Variants in KLHL1 observed in about 807,000 individuals in gnomAD.
KLHL1 encodes the protein kelch-like protein 1.
In KLHL1, 47 loss-of-function variants were observed where a neutral mutation model predicts 77.7. The observed-to-expected ratio is 0.60, with a 90% confidence interval of 0.48 to 0.77. KLHL1 has a LOEUF of 0.77. Ranked by LOEUF, KLHL1 falls within the 30% of genes least tolerant of loss-of-function variation. The probability of loss-of-function intolerance (pLI) is 0.00; values close to 1 mark genes in which losing one functional copy is unlikely to be tolerated. For missense variants in KLHL1, 925 were observed against 910.8 expected (o/e 1.02, Z -0.20); for synonymous variants, 360 against 325.2 (o/e 1.11, Z -1.15).
chr13:69,702,455 A>T (rs1024850901), intron 10 of KLHL1, among the ~76,000 whole-genome samples: 1 of 151,732 alleles, frequency 6.6e-6, no homozygotes, highest in Non-Finnish European at 1.5e-5. Context: ...GAGCTTTTTG[A>T]TATCAATAAT....
intron 1 of KLHL1, among the ~76,000 whole-genome samples, chr13:70,065,840 C>A (rs2137411026): frequency 6.6e-6 from 1 of 151,904 alleles, no homozygotes; most frequent in East Asian, 1.9e-4. Context: ...AGTCAGAATT[C>A]CCAAGTTTAC....
At chr13:69,965,823 C>A (rs1299654097) in intron 2 of KLHL1, among the ~76,000 whole-genome samples, 1 of 152,098 alleles carries the variant, frequency 6.6e-6, no homozygotes, top group South Asian at 2.1e-4. Flanking sequence ...GAAGATGAAA[C>A]CTGCCACAAC....
At chr13:70,068,864 G>A (rs1175568920) in intron 1 of KLHL1, among the ~76,000 whole-genome samples, 2 of 152,088 alleles carry the variant, frequency 1.3e-5, no homozygotes, top group Non-Finnish European at 2.9e-5. Flanking sequence ...TCGTGGGGGA[G>A]GAGGCACACT....
chr13:70,033,460 G>GT (rs561402519), intron 1 of KLHL1, among the ~76,000 whole-genome samples: 3 of 151,104 alleles, frequency 2.0e-5, no homozygotes, highest in East Asian at 2.0e-4. Context: ...TGGCTAATTT[G>GT]TTTTTTTATT....
chr13:69,801,670 A>T (rs192908061), intron 6 of KLHL1, among the ~76,000 whole-genome samples: 236 of 152,270 alleles, frequency 1.5e-3, no homozygotes, highest in Non-Finnish European at 2.3e-3. Flanking sequence ...AATCTGAAAT[A>T]CTAGATAGAA....
intron 1 of KLHL1, among the ~76,000 whole-genome samples, chr13:70,029,282 T>C (rs530584021): frequency 6.6e-6 from 1 of 152,208 alleles, no homozygotes; most frequent in African/African-American, 2.4e-5. Context: ...ATGAAAGAAA[T>C]TTGAACAGTG....
chr13:69,706,682 T>C (rs1875641747), intron 10 of KLHL1, among the ~76,000 whole-genome samples: 1 of 151,932 alleles, frequency 6.6e-6, no homozygotes, highest in African/African-American at 2.4e-5. Flanking sequence ...GTATCTTACT[T>C]TTAGATTTCT....
At chr13:70,033,857 T>G (rs1272425848) in intron 1 of KLHL1, among the ~76,000 whole-genome samples, 1 of 151,950 alleles carries the variant, frequency 6.6e-6, no homozygotes, top group Non-Finnish European at 1.5e-5. Flanking sequence ...TGACCTCAGG[T>G]GATCTTCCTG....
At chr13:69,971,498 C>T (rs999647868) in intron 2 of KLHL1, among the ~76,000 whole-genome samples, 4 of 151,992 alleles carry the variant, frequency 2.6e-5, no homozygotes, top group African/African-American at 9.7e-5. Context: ...TTTTCACCAA[C>T]TCATTATCCT....
At chr13:69,733,374 C>G (rs929088845) in intron 8 of KLHL1, among the ~76,000 whole-genome samples, 1 of 152,024 alleles carries the variant, frequency 6.6e-6, no homozygotes, top group Non-Finnish European at 1.5e-5. Context: ...TGAGAAGACA[C>G]AGGAAAGTCC....
chr13:70,058,738 AG>A, intron 1 of KLHL1, among the ~76,000 whole-genome samples: 1 of 152,334 alleles, frequency 6.6e-6, no homozygotes, highest in East Asian at 1.9e-4. Context: ...ACCATAAAAT[AG>A]CAAGAATAGC....
At chr13:69,888,543 T>C (rs1390109292) in intron 4 of KLHL1, among the ~76,000 whole-genome samples, 4 of 152,088 alleles carry the variant, frequency 2.6e-5, no homozygotes, top group African/African-American at 4.8e-5. Context: ...GTAGGCTATC[T>C]GAGATAGAGG....
At chr13:69,732,026 C>A (rs906293243) in intron 8 of KLHL1, among the ~76,000 whole-genome samples, 1 of 151,874 alleles carries the variant, frequency 6.6e-6, no homozygotes, top group Non-Finnish European at 1.5e-5. Context: ...TACAAGATAA[C>A]ACACTCAAAA....
At chr13:70,075,565 A>C (rs2770211) in intron 1 of KLHL1, among the ~76,000 whole-genome samples, 1 of 132,052 alleles carries the variant, frequency 7.6e-6, no homozygotes, top group Non-Finnish European at 1.6e-5. Context: ...GTGTGTGTGT[A>C]TGTGTATATA....
chr13:69,955,581 T>A (rs896746867), intron 3 of KLHL1, among the ~76,000 whole-genome samples: 1 of 151,348 alleles, frequency 6.6e-6, no homozygotes, highest in East Asian at 1.9e-4. Flanking sequence ...AACTCTATTT[T>A]CTTACACATC....
At chr13:69,781,293 T>C (rs1166143038) in intron 7 of KLHL1, among the ~76,000 whole-genome samples, 3 of 147,820 alleles carry the variant, frequency 2.0e-5, no homozygotes, top group Non-Finnish European at 4.5e-5. Flanking sequence ...TTCTTTTTTT[T>C]TTTTTTTTTT....
chr13:70,095,400 T>C lies in KLHL1; in HGVS notation c.497+11803A>G, dbSNP rs299533. ...GAAAATAAAATTACATGGAATCTTA[T>C]TTAATGTCATTAAGAGTTTCAAAAA... On this transcript the variant is annotated intron_variant, in intron 1 of 10. Coordinates refer to ENST00000377844, the MANE Select transcript of KLHL1 (RefSeq NM_020866.3). Among the ~76,000 whole-genome samples, 1,275 of 152,298 alleles carry C rather than the reference T, an allele frequency of 8.4e-3. 17 individuals carry two copies. Among genetic ancestry groups the C allele is most frequent in the African/African-American group, 0.029 (1,193 of 41,570 alleles).
chr13:70,102,892 G>A (rs1375670117), intron 1 of KLHL1, among the ~76,000 whole-genome samples: 4 of 152,154 alleles, frequency 2.6e-5, no homozygotes. Flanking sequence ...TATTTATTGA[G>A]TAACTACCTG....
intron 1 of KLHL1, among the ~76,000 whole-genome samples, chr13:70,060,210 T>C (rs925184045): frequency 5.9e-5 from 9 of 152,134 alleles, no homozygotes; most frequent in Non-Finnish European, 1.0e-4. Flanking sequence ...AGAGAAATAA[T>C]GAGACATCAT....
Sources: allele counts gnomAD v4.1 joint callset (sites outside exome capture counted in the v4.1 genomes callset), GRCh38; gene constraint gnomAD v4.1.1; transcripts MANE v1.5; gene names NCBI Gene and HGNC (gene_info 2026-07-23, HGNC 2026-07-21).